The following MAPK10 variants were observed in gnomAD, a reference collection of about 807,000 sequenced individuals.
MAPK10 encodes mitogen-activated protein kinase 10, also known as JNK3 alpha protein kinase.
MAPK10 carries 25 observed loss-of-function variants against 59.3 expected under a neutral mutation model. That is an observed-to-expected ratio of 0.42 (90% confidence interval 0.31 to 0.59). MAPK10 has a LOEUF of 0.59. MAPK10 is among the 20% of genes least tolerant of loss of function. The pLI, the probability that MAPK10 is intolerant of heterozygous loss-of-function variation, is 0.15. For missense variants in MAPK10, 351 were observed against 568.9 expected, an observed-to-expected ratio of 0.62 and a Z score of 3.90; for synonymous variants, 190 against 200.5, an observed-to-expected ratio of 0.95 and a Z score of 0.44.
rs185993923 is a variant in MAPK10, at chr4:86,548,091, T to G, written c.-263+45819A>C. ...GTTCTTTCACTCTTTGCAATAAATC[T>G]TGCTGCTGCTCACTGCTTGGGTCCA... On this transcript the variant is annotated intron_variant, in intron 1 of 4. Transcript: ENST00000502302. Among the ~76,000 whole-genome samples the G allele has an allele frequency of 2.3e-4, 35 of 152,264 alleles. No individual in the cohort carries two copies. In the East Asian group the frequency reaches 4.1e-3, roughly 18 times the overall value.
At chr4:86,494,453 G>A (rs532333814) in intron 1 of MAPK10, among the ~76,000 whole-genome samples, 2 of 152,164 alleles carry the variant, frequency 1.3e-5, no homozygotes, top group African/African-American at 4.8e-5. Flanking sequence ...AGAGCTGGAG[G>A]GGATATCTGT....
chr4:86,177,890 T>C (rs1360871009), intron 3 of MAPK10, among the ~76,000 whole-genome samples: 1 of 152,110 alleles, frequency 6.6e-6, no homozygotes, highest in Non-Finnish European at 1.5e-5. Context: ...TCCAGAGGAA[T>C]AAAATATATT....
At chr4:86,052,413 C>A (rs1189087928) in intron 11 of MAPK10, among the ~76,000 whole-genome samples, 1 of 152,040 alleles carries the variant, frequency 6.6e-6, no homozygotes, top group East Asian at 1.9e-4. Context: ...AGTAAAGGAA[C>A]TCCGAAGATC....
At chr4:86,173,006 T>C (rs557754449) in intron 3 of MAPK10, among the ~76,000 whole-genome samples, 59 of 152,172 alleles carry the variant, frequency 3.9e-4, no homozygotes, top group African/African-American at 1.3e-3. Flanking sequence ...TCCTTGTGAA[T>C]AGGAAGAATC....
chr4:86,074,000 A>G (rs1251658548), intron 9 of MAPK10, among the ~76,000 whole-genome samples: 2 of 95,916 alleles, frequency 2.1e-5, no homozygotes, highest in African/African-American at 9.6e-5. Context: ...GGGGTGTTAA[A>G]GTCTCCCATT....
chr4:86,414,251 GA>G (rs1011628470), intron 1 of MAPK10, among the ~76,000 whole-genome samples: 8 of 151,880 alleles, frequency 5.3e-5, no homozygotes, highest in African/African-American at 1.9e-4. Context: ...CCTCATCCAT[GA>G]TATAACATCC....
intron 2 of MAPK10, among the ~76,000 whole-genome samples, chr4:86,213,103 G>A (rs930134921): frequency 2.6e-5 from 4 of 151,990 alleles, no homozygotes; most frequent in Admixed American, 6.6e-5. Flanking sequence ...ACAACCAATG[G>A]ATCAAATAAG....
At chr4:86,472,980 A>G (rs1481470081) in intron 1 of MAPK10, among the ~76,000 whole-genome samples, 2 of 152,182 alleles carry the variant, frequency 1.3e-5, no homozygotes, top group Non-Finnish European at 2.9e-5. Flanking sequence ...TTCATTTTCA[A>G]TAGAACCTTT....
intron 1 of MAPK10, among the ~76,000 whole-genome samples, chr4:86,571,183 TA>T (rs1761415349): frequency 1.3e-5 from 2 of 151,278 alleles, no homozygotes; most frequent in African/African-American, 4.8e-5. Context: ...ATAAAATACT[TA>T]GGGTTTTTTT....
intron 2 of MAPK10, among the ~76,000 whole-genome samples, chr4:86,284,152 C>T (rs1214610639): frequency 6.6e-6 from 1 of 152,122 alleles, no homozygotes; most frequent in Non-Finnish European, 1.5e-5. Context: ...ACATGTAATG[C>T]AATACTCACT....
chr4:86,246,375 G>A (rs923888857), intron 2 of MAPK10, among the ~76,000 whole-genome samples: 17 of 152,172 alleles, frequency 1.1e-4, no homozygotes, highest in African/African-American at 3.6e-4. Context: ...AGCTTGCAGT[G>A]AGCCAAGATT....
At chr4:86,088,194 TAG>T (rs1223106164) in intron 9 of MAPK10, among the ~76,000 whole-genome samples, 1 of 152,172 alleles carries the variant, frequency 6.6e-6, no homozygotes, top group Non-Finnish European at 1.5e-5. Flanking sequence ...TCTGTTTGTT[TAG>T]AGACAGGGTC....
chr4:86,412,317 C>T (rs1371390253), intron 1 of MAPK10, among the ~76,000 whole-genome samples: 8 of 152,184 alleles, frequency 5.3e-5, no homozygotes, highest in African/African-American at 1.9e-4. Flanking sequence ...ACTTTTCTCT[C>T]TGGCTGCCCT....
Position 86,160,689 on chromosome 4 carries a change from C to A in MAPK10, c.67-1222G>T, listed in dbSNP as rs544983757. On this transcript the variant is annotated intron_variant, in intron 3 of 13. Coordinates refer to ENST00000641462, the MANE Select transcript of MAPK10 (RefSeq NM_138982.4). Reference sequence around the variant, plus strand: ...TACCTCACAACTTGTGAGTGTCCTGCCAAAGCTTTAATTAGTGAAAAATCT... The same window carrying A: ...TACCTCACAACTTGTGAGTGTCCTGACAAAGCTTTAATTAGTGAAAAATCT... 3.7e-4 allele frequency among the ~76,000 whole-genome samples: 29 copies of A among 78,238 alleles called. No homozygotes were observed. In the Admixed American group the frequency reaches 4.2e-3, roughly 11 times the overall value. The allele number at this position is 78,238 out of a possible 152,430, so 51.3% of individuals were successfully genotyped here.
intron 1 of MAPK10, among the ~76,000 whole-genome samples, chr4:86,472,794 A>T (rs781185016): frequency 3.9e-5 from 6 of 152,234 alleles, no homozygotes; most frequent in Non-Finnish European, 8.8e-5. Context: ...CTACAGCTGT[A>T]ACAGGAAATA....
chr4:86,458,718 T>G (rs1458682216), intron 1 of MAPK10, among the ~76,000 whole-genome samples: 1 of 152,128 alleles, frequency 6.6e-6, no homozygotes, highest in Non-Finnish European at 1.5e-5. Context: ...AAGCCACATG[T>G]AAGAGAATGA....
At chr4:86,505,688 A>G (rs1755690820) in intron 1 of MAPK10, among the ~76,000 whole-genome samples, 1 of 152,140 alleles carries the variant, frequency 6.6e-6, no homozygotes, top group Non-Finnish European at 1.5e-5. Flanking sequence ...GTGTCTTTCC[A>G]TTATACAATA....
At chr4:86,244,898 G>A (rs1461642638) in intron 2 of MAPK10, among the ~76,000 whole-genome samples, 1 of 152,104 alleles carries the variant, frequency 6.6e-6, no homozygotes, top group African/African-American at 2.4e-5. Context: ...AATTTGGAAG[G>A]CTCTAGATTG....
chr4:86,032,768 G>A (rs991707598), intron 11 of MAPK10, among the ~76,000 whole-genome samples: 7 of 152,130 alleles, frequency 4.6e-5, no homozygotes, highest in African/African-American at 1.7e-4. Context: ...AAAGTATCTG[G>A]CTATGAAAAT....
Sources: gnomAD v4.1 joint callset for allele counts (sites outside exome capture counted in the v4.1 genomes callset) on GRCh38, gnomAD v4.1.1 for gene constraint, MANE v1.5 for transcripts, NCBI Gene and HGNC (gene_info 2026-07-23, HGNC 2026-07-21) for gene names.